AK7: variants seen among roughly 807,000 people sequenced by gnomAD.
AK7 encodes adenylate kinase 7.
Under a neutral mutation model 96.6 loss-of-function variants are expected in AK7, and 78 were observed. The observed-to-expected ratio is 0.81, with a 90% CI of 0.67 to 0.97. AK7 has a LOEUF of 0.97. Among genes scored for constraint, AK7 ranks in the 50% least tolerant of loss-of-function variants. AK7 has a pLI of 0.00. For synonymous variants in AK7, 302 were observed against 317.2 expected, an observed-to-expected ratio of 0.95 and a Z score of 0.51; for missense variants, 855 against 887.9, an observed-to-expected ratio of 0.96 and a Z score of 0.47.
chr14:96,408,616 A>G (rs1053767190), intron 3 of AK7, among the ~76,000 whole-genome samples: 4 of 152,232 alleles, frequency 2.6e-5, no homozygotes, highest in African/African-American at 9.6e-5. Context: ...GAGAGCACTG[A>G]TGAGACTGAA....
chr14:96,458,286 ACTGTTT>A, intron 12 of AK7, 74 bp downstream of exon 12: 1 of 1,543,868 alleles, frequency 6.5e-7, no homozygotes. Context: ...GTTATAAAAG[ACTGTTT>A]AAAAAAAAAA....
At chr14:96,432,591 T>C (rs1320303155) in intron 5 of AK7, among the ~76,000 whole-genome samples, 1 of 152,148 alleles carries the variant, frequency 6.6e-6, no homozygotes, top group Non-Finnish European at 1.5e-5. Flanking sequence ...GGTGACAAAG[T>C]CTCTCAGCAT....
chr14:96,405,823 T>A (rs186271594), intron 3 of AK7, among the ~76,000 whole-genome samples: 10 of 152,320 alleles, frequency 6.6e-5, no homozygotes, highest in African/African-American at 2.4e-4. Flanking sequence ...AAAAATGTAA[T>A]GAATTCTAAG....
chr14:96,408,998 CTG>C (rs1470106461), intron 4 of AK7, 57 bp downstream of exon 4: 15 of 1,562,272 alleles, frequency 9.6e-6, no homozygotes, highest in Middle Eastern at 1.7e-4. Flanking sequence ...ACCTTGTAAT[CTG>C]TGTGTGGAGG....
chr14:96,408,590 A>AG (rs1339178226), intron 3 of AK7, among the ~76,000 whole-genome samples: 6 of 152,244 alleles, frequency 3.9e-5, no homozygotes, highest in Admixed American at 6.5e-5. Context: ...CATAGTGGAG[A>AG]GAAAGGGCTG....
chr14:96,478,389 G>A, intron 14 of AK7, 76 bp from the exon 15 acceptor site: 1 of 1,461,264 alleles, frequency 6.8e-7, no homozygotes, highest in South Asian at 1.2e-5. Context: ...GTAACCAGGG[G>A]GCCATGCGTT....
chr14:96,475,105 CT>C (rs1487205637), intron 14 of AK7, among the ~76,000 whole-genome samples: 5 of 152,226 alleles, frequency 3.3e-5, no homozygotes, highest in African/African-American at 1.2e-4. Context: ...ACTTTCCATT[CT>C]TTGTTGGACA....
chr14:96,434,422 G>GTCTCTCTCTCTCTC (rs3077780), intron 5 of AK7, among the ~76,000 whole-genome samples: 232 of 149,428 alleles, frequency 1.6e-3, no homozygotes, highest in African/African-American at 5.5e-3. Context: ...CTGTCTGTCT[G>GTCTCTCTCTCTCTC]TCTCTCTCTC....
intron 14 of AK7, among the ~76,000 whole-genome samples, chr14:96,473,582 A>AT (rs1029636655): frequency 7.5e-4 from 110 of 146,732 alleles, no homozygotes; most frequent in Admixed American, 2.1e-3. Context: ...ATAAAGTAGG[A>AT]TTTTTTTTTT....
chr14:96,457,167 TCTC>T (rs1352879110), intron 11 of AK7: 1 of 151,598 alleles, frequency 6.6e-6, no homozygotes, highest in African/African-American at 2.4e-5. Context: ...TTCAAGCAGT[TCTC>T]CTGCCTCAGC....
intron 5 of AK7, among the ~76,000 whole-genome samples, chr14:96,426,993 C>A (rs1469455756): frequency 6.6e-6 from 1 of 152,156 alleles, no homozygotes; most frequent in Non-Finnish European, 1.5e-5. Context: ...CGCCTGTAAT[C>A]CCAGCACTTT....
intron 5 of AK7, among the ~76,000 whole-genome samples, chr14:96,427,556 G>C (rs112931028): frequency 6.6e-6 from 1 of 152,160 alleles, no homozygotes; most frequent in Admixed American, 6.5e-5. Context: ...ACAATTCGAC[G>C]TGAGATTTGG....
intron 17 of AK7, among the ~76,000 whole-genome samples, 188 bp downstream of exon 17, chr14:96,487,244 G>T (rs1027462474): frequency 1.3e-5 from 2 of 149,940 alleles, no homozygotes; most frequent in Non-Finnish European, 3.0e-5. Context: ...AATTAGCTGG[G>T]TGTGGTGGCA....
chr14:96,424,094 C>A, intron 5 of AK7: 1 of 680,108 alleles, frequency 1.5e-6, no homozygotes, highest in Non-Finnish European at 2.8e-6. Context: ...TGGGTGGGAT[C>A]GGGCACGGTG....
intron 7 of AK7, 130 bp downstream of exon 7, chr14:96,442,948 A>T: frequency 1.3e-6 from 1 of 794,992 alleles, no homozygotes; most frequent in Non-Finnish European, 2.1e-6. Context: ...CTTCGTAACA[A>T]CCCTATGCAG....
rs776644689 is a variant in AK7, at chr14:96,482,982, T to C, written c.1754-17T>C. ...TAGAATATAAGTATGTGTTGATCTC[T>C]CTCCTGGTATTTAAAGATGTAGGAA... On this transcript the variant is annotated splice_polypyrimidine_tract_variant and intron_variant, in intron 15 of 17. Coordinates refer to ENST00000267584, the MANE Select transcript of AK7 (RefSeq NM_152327.5). 7 of 1,612,342 alleles carry C rather than the reference T, an allele frequency of 4.3e-6. No individual in the cohort carries two copies. Among genetic ancestry groups the C allele is most frequent in the Non-Finnish European group, 5.9e-6 (7 of 1,178,994 alleles).
At chr14:96,481,010 T>C (rs1476013323) in intron 15 of AK7, among the ~76,000 whole-genome samples, 1 of 152,156 alleles carries the variant, frequency 6.6e-6, no homozygotes, top group Non-Finnish European at 1.5e-5. Flanking sequence ...TGTCCTCTCT[T>C]TCTTTGGGCC....
At chr14:96,404,584 A>C (rs765869119) in intron 2 of AK7, among the ~76,000 whole-genome samples, 173 bp from the exon 3 acceptor site, 13 of 152,208 alleles carry the variant, frequency 8.5e-5, no homozygotes, top group Non-Finnish European at 1.5e-4. Flanking sequence ...GTTACTTGAA[A>C]ACTACACACA....
chr14:96,419,784 C>CTTTTTTTTTTTTTTTTTTTTTT lies in AK7; in HGVS notation c.499-1034_499-1033insTTTTTTTTTTTTTTTTTTTTTT, dbSNP rs11449244. On this transcript the variant is annotated intron_variant, in intron 4 of 17. Transcript: ENST00000267584. ...TCTCCTAAAGCATTTTTTTTTCTTT[C>CTTTTTTTTTTTTTTTTTTTTTT]TTTTCTTTTTTTTTTTTTTTTGAGA... Among the ~76,000 whole-genome samples, 7 of 101,714 alleles carry CTTTTTTTTTTTTTTTTTTTTTT rather than the reference C, an allele frequency of 6.9e-5. 2 individuals carry two copies. The highest frequency in any genetic ancestry group is 5.5e-5 in the Non-Finnish European group (3 of 54,158). 66.7% of individuals were successfully genotyped at this position (101,714 alleles called of 152,430 possible).
Sources: gnomAD v4.1 joint callset for allele counts (sites outside exome capture counted in the v4.1 genomes callset) on GRCh38, gnomAD v4.1.1 for gene constraint, MANE v1.5 for transcripts, NCBI Gene and HGNC (gene_info 2026-07-23, HGNC 2026-07-21) for gene names.